The following NALF1 variants were observed in gnomAD, a reference collection of about 807,000 sequenced individuals.
NALF1 encodes NALCN channel auxiliary factor 1, also known as family with sequence similarity 155 member A.
In NALF1, 3 loss-of-function variants were observed where a neutral mutation model predicts 48.4. The ratio of observed to expected loss-of-function variants is 0.06; its 90% confidence interval spans 0.03 to 0.16. The LOEUF is 0.16. NALF1 is among the 10% of genes least tolerant of loss of function. The probability of loss-of-function intolerance (pLI) is 1.00; values close to 1 mark genes in which losing one functional copy is unlikely to be tolerated. For synonymous variants in NALF1, 262 were observed against 245.7 expected (o/e 1.07, Z -0.62); for missense variants, 526 against 571.5 (o/e 0.92, Z 0.81).
chr13:107,726,808 A>G (rs1876164775), intron 1 of NALF1, among the ~76,000 whole-genome samples: 1 of 151,888 alleles, frequency 6.6e-6, no homozygotes, highest in African/African-American at 2.4e-5. Flanking sequence ...ATGAGGTTTC[A>G]CCATGTTGGC....
rs921408344 is a variant in NALF1 at position 107,378,258 on chromosome 13, C to T, written c.916-167503G>A. On this transcript the variant is annotated intron_variant, in intron 1 of 2. Transcript: ENST00000375915. ...TCTTACAAATATGAATAGTATATTT[C>T]CCTGAAGTTCAGTTCTTCAAGAAAT... is the stretch of plus-strand genomic sequence containing the variant. 2.5e-4 allele frequency among the ~76,000 whole-genome samples: 38 copies of T among 152,060 alleles called. 1 individual carries two copies. The highest frequency in any genetic ancestry group is 5.1e-4 in the Non-Finnish European group (35 of 68,016).
chr13:107,815,916 G>A, intron 1 of NALF1, among the ~76,000 whole-genome samples: 1 of 152,186 alleles, frequency 6.6e-6, no homozygotes, highest in East Asian at 1.9e-4. Context: ...TATGTAAATT[G>A]TTCAAGACAG....
intron 1 of NALF1, among the ~76,000 whole-genome samples, chr13:107,224,192 TG>T (rs1319369586): frequency 6.6e-6 from 1 of 151,918 alleles, no homozygotes; most frequent in Non-Finnish European, 1.5e-5. Context: ...TGGAATTAAA[TG>T]GCAGCACCCA....
chr13:107,725,870 AT>A (rs1300865238), intron 1 of NALF1, among the ~76,000 whole-genome samples: 3 of 152,100 alleles, frequency 2.0e-5, no homozygotes, highest in East Asian at 3.9e-4. Flanking sequence ...TGGTTTTGTA[AT>A]TTTTTTTCAT....
At chr13:107,579,926 A>G (rs561268804) in intron 1 of NALF1, among the ~76,000 whole-genome samples, 2 of 151,928 alleles carry the variant, frequency 1.3e-5, no homozygotes, top group East Asian at 3.9e-4. Context: ...ATACCATTTG[A>G]CCCAGCCATC....
intron 1 of NALF1, among the ~76,000 whole-genome samples, chr13:107,718,881 G>A (rs1163867747): frequency 6.6e-6 from 1 of 152,156 alleles, no homozygotes; most frequent in Non-Finnish European, 1.5e-5. Context: ...AGCCACATGT[G>A]GCCAGGGGCT....
At chr13:107,787,446 A>C (rs2138584123) in intron 1 of NALF1, among the ~76,000 whole-genome samples, 1 of 152,370 alleles carries the variant, frequency 6.6e-6, no homozygotes, top group South Asian at 2.1e-4. Flanking sequence ...TGAGTCCCAA[A>C]TATGCCTTCT....
Position 107,405,611 on chromosome 13 carries a change from C to T in NALF1, c.916-194856G>A, listed in dbSNP as rs377730688. ...GTGATCTACATTAGAACTCCAGACC[C>T]TTGGGAAGTGCTATTTGTATTTTAA... On this transcript the variant is annotated intron_variant, in intron 1 of 2. Coordinates refer to ENST00000375915, the MANE Select transcript of NALF1 (RefSeq NM_001080396.3). Among the ~76,000 whole-genome samples, 578 of 152,132 alleles carry T rather than the reference C, an allele frequency of 3.8e-3. 3 individuals are homozygous for T. The highest frequency in any genetic ancestry group is 0.013 in the African/African-American group (559 of 41,528).
intron 2 of NALF1, among the ~76,000 whole-genome samples, chr13:107,173,022 G>T (rs764261775): frequency 6.6e-6 from 1 of 151,904 alleles, no homozygotes; most frequent in Non-Finnish European, 1.5e-5. Context: ...TGAATAACAT[G>T]CATCTATATT....
intron 1 of NALF1, among the ~76,000 whole-genome samples, chr13:107,489,437 C>T (rs1456398199): frequency 6.6e-6 from 1 of 152,064 alleles, no homozygotes; most frequent in Non-Finnish European, 1.5e-5. Flanking sequence ...GACACACAGA[C>T]CAATGGAACA....
chr13:107,647,259 G>A (rs915623995), intron 1 of NALF1, among the ~76,000 whole-genome samples: 31 of 152,060 alleles, frequency 2.0e-4, no homozygotes, highest in African/African-American at 6.7e-4. Flanking sequence ...AAAAATACAA[G>A]AACATGAATA....
intron 1 of NALF1, among the ~76,000 whole-genome samples, chr13:107,548,094 ATAGT>A (rs1877182547): frequency 1.3e-5 from 2 of 152,010 alleles, no homozygotes; most frequent in Non-Finnish European, 2.9e-5. Flanking sequence ...CCAATATCCA[ATAGT>A]TATTTTTTCT....
intron 1 of NALF1, among the ~76,000 whole-genome samples, chr13:107,377,873 T>G (rs1365367097): frequency 6.6e-6 from 1 of 152,204 alleles, no homozygotes; most frequent in African/African-American, 2.4e-5. Context: ...AGCTCTAAAT[T>G]ATTTCTGACT....
chr13:107,777,167 T>A (rs570531066), intron 1 of NALF1, among the ~76,000 whole-genome samples: 1 of 152,272 alleles, frequency 6.6e-6, no homozygotes, highest in South Asian at 2.1e-4. Context: ...AAACTTCACA[T>A]AAAGTATCTT....
chr13:107,593,440 A>C (rs187395685), intron 1 of NALF1, among the ~76,000 whole-genome samples: 1 of 152,002 alleles, frequency 6.6e-6, no homozygotes, highest in Non-Finnish European at 1.5e-5. Context: ...TAAATTTTAC[A>C]TGGTACTAGG....
intron 1 of NALF1, among the ~76,000 whole-genome samples, chr13:107,579,693 T>C (rs1382771320): frequency 2.0e-5 from 3 of 152,108 alleles, no homozygotes; most frequent in Non-Finnish European, 4.4e-5. Flanking sequence ...TTTATTATAC[T>C]TTAAGTTTTA....
chr13:107,769,266 A>T (rs1877507420), intron 1 of NALF1, among the ~76,000 whole-genome samples: 1 of 149,418 alleles, frequency 6.7e-6, no homozygotes. Flanking sequence ...CACTCTTCAC[A>T]ATAGCAAAGA....
rs183890247 is a variant in NALF1, at chr13:107,393,025, T to C, written c.916-182270A>G. Among the ~76,000 whole-genome samples the C allele has an allele frequency of 1.7e-4, 26 of 152,182 alleles. No homozygotes were observed. In the East Asian group the frequency reaches 4.6e-3, roughly 27 times the overall value. On this transcript the variant is annotated intron_variant, in intron 1 of 2. Transcript: ENST00000375915. ...TGCTAAGGAGATAAATAATGGCTCA[T>C]TTTAGGAACTAAAGGAACACTAGTG...
intron 1 of NALF1, among the ~76,000 whole-genome samples, chr13:107,629,809 A>G (rs984606523): frequency 5.3e-5 from 8 of 151,146 alleles, no homozygotes; most frequent in Non-Finnish European, 7.3e-5. Context: ...GATATATATG[A>G]ATGAACTATT....
Sources: allele counts gnomAD v4.1 joint callset (sites outside exome capture counted in the v4.1 genomes callset), GRCh38; gene constraint gnomAD v4.1.1; transcripts MANE v1.5; gene names NCBI Gene and HGNC (gene_info 2026-07-23, HGNC 2026-07-21).